The following STARD13 variants were observed in gnomAD, a reference collection of about 807,000 sequenced individuals.
STARD13 encodes StAR related lipid transfer domain containing 13.
STARD13 carries 62 observed loss-of-function variants against 106.4 expected under a neutral mutation model. The ratio of observed to expected loss-of-function variants is 0.58; its 90% CI spans 0.48 to 0.72. STARD13 has a LOEUF of 0.72. Among genes scored for constraint, STARD13 ranks in the 30% least tolerant of loss-of-function variants. The probability of loss-of-function intolerance (pLI) is 0.00; values close to 1 mark genes in which losing one functional copy is unlikely to be tolerated. For missense variants in STARD13, 1,387 were observed against 1,424.0 expected (o/e 0.97, Z 0.42); for synonymous variants, 565 against 553.0 (o/e 1.02, Z -0.31).
At chr13:33,466,063 GC>G in the STARD13 span, among the ~76,000 whole-genome samples, 4 of 152,020 alleles carry the variant, frequency 2.6e-5, no homozygotes, top group African/African-American at 9.7e-5. Context: ...TTCTAATAAT[GC>G]CTACTTCATG....
At chr13:33,358,358 G>A in the STARD13 span, among the ~76,000 whole-genome samples, 1 of 152,230 alleles carries the variant, frequency 6.6e-6, no homozygotes, top group Non-Finnish European at 1.5e-5. Flanking sequence ...AAGGGCTGAG[G>A]AATGTAAGCG....
At chr13:33,360,154 G>A in the STARD13 span, among the ~76,000 whole-genome samples, 2 of 152,116 alleles carry the variant, frequency 1.3e-5, no homozygotes, top group Non-Finnish European at 2.9e-5. Context: ...AAATGGGGGA[G>A]CCTCAAGATG....
chr13:33,197,299 C>G lies in STARD13; in HGVS notation c.170-29677G>C, dbSNP rs549771831. 3.9e-5 allele frequency among the ~76,000 whole-genome samples: 6 copies of G among 152,232 alleles called. No homozygotes were observed. The Middle Eastern group carries it at 0.01, about 259-fold the overall frequency. ...CACACTCATATCCCATGTGAGGCAC[C>G]CTGTAAGCGTACTGGTTGAAAACTC... is the stretch of plus-strand genomic sequence containing the variant. On this transcript the variant is annotated intron_variant, in intron 1 of 13. Transcript: ENST00000336934.
At chr13:33,599,183 T>A in the STARD13 span, among the ~76,000 whole-genome samples, 14,890 of 152,214 alleles carry the variant, frequency 0.098, 883 homozygotes, top group African/African-American at 0.16. Flanking sequence ...CATTAGTTTA[T>A]TTGAAAAGCA....
At chr13:33,571,963 C>T in the STARD13 span, among the ~76,000 whole-genome samples, 2 of 152,122 alleles carry the variant, frequency 1.3e-5, no homozygotes, top group Non-Finnish European at 2.9e-5. Flanking sequence ...GGCCAATGTC[C>T]TCAGGACCTT....
chr13:33,576,700 C>T, the STARD13 span, among the ~76,000 whole-genome samples: 1 of 152,100 alleles, frequency 6.6e-6, no homozygotes, highest in Admixed American at 6.6e-5. Flanking sequence ...TGAGAGGAAA[C>T]TTAGTTTTTT....
intron 1 of STARD13, among the ~76,000 whole-genome samples, chr13:33,211,180 T>C (rs906059097): frequency 2.0e-5 from 3 of 151,110 alleles, no homozygotes; most frequent in African/African-American, 7.3e-5. Flanking sequence ...TTTAATATAT[T>C]ATTTTAAAAA....
At chr13:33,522,563 C>T in the STARD13 span, among the ~76,000 whole-genome samples, 7 of 152,178 alleles carry the variant, frequency 4.6e-5, no homozygotes, top group African/African-American at 1.7e-4. Flanking sequence ...CACCTAACTC[C>T]AGCACTCACG....
chr13:33,174,678 T>G (rs1358227957), intron 1 of STARD13, among the ~76,000 whole-genome samples: 1 of 152,226 alleles, frequency 6.6e-6, no homozygotes, highest in East Asian at 1.9e-4. Flanking sequence ...GAGGGGCAAT[T>G]TGTTCAAGTG....
chr13:33,650,097 A>C, the STARD13 span, among the ~76,000 whole-genome samples: 2 of 149,072 alleles, frequency 1.3e-5, no homozygotes, highest in South Asian at 4.3e-4. Flanking sequence ...GAAGAGTGAC[A>C]AACAGTCACT....
intron 4 of STARD13, among the ~76,000 whole-genome samples, chr13:33,140,737 G>A (rs1442104693): frequency 6.6e-6 from 1 of 151,398 alleles, no homozygotes; most frequent in Non-Finnish European, 1.5e-5. Flanking sequence ...TCTCTGTGTA[G>A]ACCAGGATAA....
At chr13:33,207,033 C>A (rs564660938) in intron 1 of STARD13, among the ~76,000 whole-genome samples, 2 of 151,988 alleles carry the variant, frequency 1.3e-5, no homozygotes, top group African/African-American at 4.8e-5. Flanking sequence ...ATGCAACATT[C>A]GTATTGTTAT....
At chr13:33,457,501 A>G in the STARD13 span, among the ~76,000 whole-genome samples, 10 of 152,242 alleles carry the variant, frequency 6.6e-5, no homozygotes, top group African/African-American at 2.4e-4. Flanking sequence ...TGAAAACAAC[A>G]GATAGACGAT....
At chr13:33,324,994 T>C (rs2077757075) in intron 1 of STARD13, among the ~76,000 whole-genome samples, 1 of 152,230 alleles carries the variant, frequency 6.6e-6, no homozygotes, top group Non-Finnish European at 1.5e-5. Flanking sequence ...CTGCCACTCA[T>C]CTTTTCTCTT....
chr13:33,265,734 A>G (rs1383180497), intron 1 of STARD13, among the ~76,000 whole-genome samples: 1 of 152,104 alleles, frequency 6.6e-6, no homozygotes, highest in Non-Finnish European at 1.5e-5. Context: ...AAGAAAATGT[A>G]TATGATTCCA....
At chr13:33,202,199 T>C (rs772153132) in intron 1 of STARD13, among the ~76,000 whole-genome samples, 1 of 152,218 alleles carries the variant, frequency 6.6e-6, no homozygotes, top group East Asian at 1.9e-4. Context: ...AGTTTTAATG[T>C]TTAGTTACCT....
chr13:33,480,193 T>C, the STARD13 span, among the ~76,000 whole-genome samples: 1 of 152,204 alleles, frequency 6.6e-6, no homozygotes, highest in Non-Finnish European at 1.5e-5. Context: ...TTGTTTTCAA[T>C]GGCTGCCTAT....
chr13:33,437,783 C>T, the STARD13 span, among the ~76,000 whole-genome samples: 1 of 152,112 alleles, frequency 6.6e-6, no homozygotes, highest in Non-Finnish European at 1.5e-5. Context: ...CCAATATTTC[C>T]TTCTCCCAGA....
chr13:33,343,589 A>AAAAC (rs2077985614), intron 1 of STARD13, among the ~76,000 whole-genome samples: 2 of 91,824 alleles, frequency 2.2e-5, no homozygotes, highest in African/African-American at 5.3e-5. Flanking sequence ...AAAAAAAAAA[A>AAAAC]AAAAAAAACA....
Sources: allele counts gnomAD v4.1 joint callset (sites outside exome capture counted in the v4.1 genomes callset), GRCh38; gene constraint gnomAD v4.1.1; transcripts MANE v1.5; gene names NCBI Gene and HGNC (gene_info 2026-07-23, HGNC 2026-07-21).